SYCP2: variants seen among roughly 807,000 people sequenced by gnomAD.
SYCP2 encodes the protein synaptonemal complex lateral element protein.
Under a neutral mutation model 211.3 loss-of-function variants are expected in SYCP2, and 55 were observed. That is an observed-to-expected ratio of 0.26 (90% CI 0.21 to 0.33). The LOEUF is 0.33. SYCP2 is among the 10% of genes least tolerant of loss of function. The pLI, the probability that SYCP2 is intolerant of heterozygous loss-of-function variation, is 1.00. For missense variants in SYCP2, 1,731 were observed against 1,752.0 expected (o/e 0.99, Z 0.21); for synonymous variants, 570 against 555.2 (o/e 1.03, Z -0.37).
chr20:59,867,028 A>G (rs2059352048), intron 39 of SYCP2, among the ~76,000 whole-genome samples: 1 of 144,646 alleles, frequency 6.9e-6, no homozygotes, highest in Non-Finnish European at 1.5e-5. Flanking sequence ...AAAAAAAAAA[A>G]AAAAAAAGAA....
chr20:59,897,251 G>C (rs1268774722), intron 18 of SYCP2, among the ~76,000 whole-genome samples: 1 of 152,126 alleles, frequency 6.6e-6, no homozygotes, highest in Non-Finnish European at 1.5e-5. Context: ...AAATGATACA[G>C]TTGTGAGTGG....
chr20:59,884,067 C>G (rs997907005), intron 26 of SYCP2, among the ~76,000 whole-genome samples: 8 of 151,930 alleles, frequency 5.3e-5, no homozygotes, highest in Admixed American at 2.6e-4. Flanking sequence ...TATTGTAAAT[C>G]TAATAAAATC....
Position 59,877,560 on chromosome 20 carries a change from A to T in SYCP2, c.2980-5T>A. 1 of 1,580,100 alleles carries T rather than the reference A, an allele frequency of 6.3e-7. No individual in the cohort carries two copies. Among genetic ancestry groups the T allele is most frequent in the Non-Finnish European group, 8.5e-7 (1 of 1,171,680 alleles). ...TGTGATATTTTTACTGGGTGTCTTT[A>T]GGAGAAAAATTCCTGAATATTAGAT... On this transcript the variant is annotated splice_region_variant and splice_polypyrimidine_tract_variant and intron_variant, in intron 32 of 44. Coordinates refer to ENST00000357552, the MANE Select transcript of SYCP2 (RefSeq NM_014258.4).
At chr20:59,922,272 C>A in intron 3 of SYCP2, 118 bp downstream of exon 3, 1 of 872,844 alleles carries the variant, frequency 1.1e-6, no homozygotes, top group African/African-American at 1.8e-5. Flanking sequence ...TATTCTTGAC[C>A]ATTTCATAAA....
At chr20:59,916,171 T>C (rs1366276107) in intron 8 of SYCP2, among the ~76,000 whole-genome samples, 1 of 151,968 alleles carries the variant, frequency 6.6e-6, no homozygotes, top group Non-Finnish European at 1.5e-5. Context: ...GTTACTTTAT[T>C]TTGTTCTTAT....
chr20:59,898,330 C>G (rs1713209947), intron 18 of SYCP2, among the ~76,000 whole-genome samples: 1 of 152,094 alleles, frequency 6.6e-6, no homozygotes, highest in South Asian at 2.1e-4. Flanking sequence ...AAATGCCCAT[C>G]AATGATAGAC....
chr20:59,867,114 G>GGGGGGGGGGGGGGGGGGGT (rs2059363329), intron 39 of SYCP2, among the ~76,000 whole-genome samples: 1 of 67,722 alleles, frequency 1.5e-5, no homozygotes, highest in Non-Finnish European at 3.3e-5. Context: ...GCGGGGGGGG[G>GGGGGGGGGGGGGGGGGGGT]GGGGGAGGGT....
chr20:59,868,305 C>A, intron 38 of SYCP2, 108 bp downstream of exon 38: 1 of 1,116,890 alleles, frequency 9.0e-7, no homozygotes, highest in Non-Finnish European at 1.3e-6. Context: ...CCATCTTGGA[C>A]ATATCCAAAG....
chr20:59,874,709 A>C (rs2059520109), intron 34 of SYCP2, among the ~76,000 whole-genome samples: 1 of 152,110 alleles, frequency 6.6e-6, no homozygotes, highest in Non-Finnish European at 1.5e-5. Flanking sequence ...TTACAAGGAA[A>C]CAAAAATGGT....
chr20:59,920,435 C>A lies in SYCP2; in HGVS notation c.221G>T (p.Gly74Val), dbSNP rs2060520075. ...TACACTGATATTTTTGCCACATCTT[C>A]CAACAGAAACCAAAATGGCTGAAAC... is the stretch of plus-strand genomic sequence containing the variant. ...HNVSAILVSVGRCGKNISVLG... is the reference protein window; with the variant it reads ...HNVSAILVSVVRCGKNISVLG... Residue 74 changes from glycine to valine, a missense_variant, in exon 5 of 45, where the codon GGA (glycine) becomes GTA (valine). By Grantham distance (109) the Gly-to-Val change is moderately radical. Around this residue, in one of 3 missense-constraint regions of SYCP2, gnomAD observed 335 missense variants for 378.8 expected, o/e 0.88. Coordinates refer to ENST00000357552, the MANE Select transcript of SYCP2 (RefSeq NM_014258.4). 2 of 1,608,994 alleles carry A rather than the reference C, an allele frequency of 1.2e-6. No individual in the cohort carries two copies. Among genetic ancestry groups the A allele is most frequent in the Non-Finnish European group, 1.7e-6 (2 of 1,176,802 alleles).
Position 59,879,862 on chromosome 20 carries a change from T to TAC in SYCP2, c.2941+439_2941+440dup, listed in dbSNP as rs1236840424. 3.2e-3 allele frequency among the ~76,000 whole-genome samples: 372 copies of TAC among 115,932 alleles called. 1 individual carries two copies. The highest frequency in any genetic ancestry group is 4.7e-3 in the Non-Finnish European group (264 of 55,718). The allele number at this position is 115,932 out of a possible 152,430, so 76.1% of individuals were successfully genotyped here. A position where few individuals can be genotyped will look rare whatever the true frequency, so the allele number is the denominator to read the frequency against. ...ATATATATATATATATATATATATA[T>TAC]ACACACACACACACACAAACATATA... is the stretch of plus-strand genomic sequence containing the variant. On this transcript the variant is annotated intron_variant, in intron 31 of 44. Transcript: ENST00000357552.
intron 14 of SYCP2, among the ~76,000 whole-genome samples, chr20:59,910,623 C>G (rs924673955): frequency 2.6e-5 from 4 of 151,740 alleles, no homozygotes; most frequent in African/African-American, 9.7e-5. Flanking sequence ...TCCATTAGAC[C>G]AAACTGAATA....
intron 12 of SYCP2, among the ~76,000 whole-genome samples, chr20:59,913,397 C>T (rs79467889): frequency 9.2e-5 from 14 of 152,228 alleles, no homozygotes; most frequent in Non-Finnish European, 1.5e-4. Flanking sequence ...TAAATGTGAA[C>T]TCATTCATCC....
In SYCP2 at chr20:59,892,327, T is replaced by C; in HGVS notation, c.2027A>G (p.Gln676Arg). 2 of 1,609,162 alleles carry C rather than the reference T, an allele frequency of 1.2e-6. No homozygotes were observed. The highest frequency in any genetic ancestry group is 1.7e-6 in the Non-Finnish European group (2 of 1,177,254). The change falls in exon 24 of 45, where the codon CAA (glutamine) becomes CGA (arginine). Residue 676 changes from glutamine to arginine, a missense_variant. By Grantham distance (43) the Gln-to-Arg change is conservative. Transcript: ENST00000357552. ...GTGKVKYKKEQTDHIKIDKAE... is the reference protein window; with the variant it reads ...GTGKVKYKKERTDHIKIDKAE... ...TTTATCTATTTTGATATGGTCGGTT[T>C]GTTCTTTCTTATATTTCACTTTTCC... is the stretch of plus-strand genomic sequence containing the variant.
At chr20:59,897,439 T>C (rs944232844) in intron 18 of SYCP2, among the ~76,000 whole-genome samples, 21 of 152,198 alleles carry the variant, frequency 1.4e-4, no homozygotes, top group Non-Finnish European at 3.1e-4. Context: ...AAACAGTTCA[T>C]CCTTATTGAA....
At chr20:59,891,917 G>A in intron 24 of SYCP2, 73 bp downstream of exon 24, 1 of 1,308,232 alleles carries the variant, frequency 7.6e-7, no homozygotes, top group South Asian at 1.5e-5. Flanking sequence ...AATTAATCAA[G>A]TTTCTTTCTT....
Position 59,866,352 on chromosome 20 carries a change from C to T in SYCP2, c.4261G>A (p.Glu1421Lys), listed in dbSNP as rs1446705281. The change falls in exon 41 of 45, where the codon GAG becomes AAG. Residue 1421 changes from glutamate (E) to lysine (K), a missense_variant. Physicochemically the swap from Glu to Lys is moderately conservative, Grantham distance 56. Coordinates refer to ENST00000357552, the MANE Select transcript of SYCP2 (RefSeq NM_014258.4). The part of the protein sequence containing the change: ...LDKFQFIIIE[E>K]LENFEKDSQS... ...GAATCTTTTTCAAAATTCTCCAGCTCCTCTATGATAATGAATTGGAATTTA... is the reference window on the plus strand; with the variant it reads ...GAATCTTTTTCAAAATTCTCCAGCTTCTCTATGATAATGAATTGGAATTTA... The T allele has an allele frequency of 6.3e-7, 1 of 1,596,762 alleles. No individual in the cohort carries two copies. Among genetic ancestry groups the T allele is most frequent in the Non-Finnish European group, 8.5e-7 (1 of 1,172,276 alleles).
Position 59,893,573 on chromosome 20 carries a change from A to C in SYCP2, c.1686T>G (p.Cys562Trp), listed in dbSNP as rs113277799. 8 of 1,609,196 alleles carry C rather than the reference A, an allele frequency of 5.0e-6. No homozygotes were observed. In the African/African-American group the frequency reaches 5.3e-5, roughly 11 times the overall value. Residue 562 changes from cysteine to tryptophan, a missense_variant, in exon 21 of 45, where the codon TGT (cysteine) becomes TGG (tryptophan). Physicochemically the swap from Cys to Trp is radical, Grantham distance 215 (BLOSUM62 -2). This residue lies in a region of SYCP2 where 1,387 missense variants were observed against 1,351.3 expected (regional missense o/e 1.03). Coordinates refer to ENST00000357552, the MANE Select transcript of SYCP2 (RefSeq NM_014258.4). ...CATTCTTATTTTCTGTGTTTTCTAC[A>C]CACTTAGCAGTTTTGATATGCTGTA... ...NIDKHIKTAK[C>W]VENTENKNVE... is the part of the protein sequence containing the mutation.
At chr20:59,864,826 T>G (rs1241826621) in intron 44 of SYCP2, among the ~76,000 whole-genome samples, 1 of 152,062 alleles carries the variant, frequency 6.6e-6, no homozygotes, top group Non-Finnish European at 1.5e-5. Flanking sequence ...CAAAGATCAG[T>G]GTACTTAAAA....
Sources: allele counts gnomAD v4.1 joint callset (sites outside exome capture counted in the v4.1 genomes callset), GRCh38; gene constraint gnomAD v4.1.1; regional missense constraint gnomAD v4.1.1; transcripts MANE v1.5; gene names NCBI Gene and HGNC (gene_info 2026-07-23, HGNC 2026-07-21).